Variants in TAF1 observed in about 807,000 individuals in gnomAD.
TAF1 encodes transcription initiation factor TFIID subunit 1.
TAF1 carries 2 observed loss-of-function variants against 138.5 expected under a neutral mutation model. The ratio of observed to expected loss-of-function variants is 0.01; its 90% CI spans 0.01 to 0.05. The LOEUF is 0.05. TAF1 is among the 10% of genes least tolerant of loss of function. The pLI, the probability that TAF1 is intolerant of heterozygous loss-of-function variation, is 1.00. For synonymous variants in TAF1, 437 were observed against 503.2 expected, an observed-to-expected ratio of 0.87 and a Z score of 1.76; for missense variants, 709 against 1,478.0, an observed-to-expected ratio of 0.48 and a Z score of 8.53.
At position 71,504,836 on chromosome X, in the gene TAF1, A is replaced by C. The variant is rs535133894; in HGVS notation, c.1367-23706A>C. Reference sequence around the variant, plus strand: ...TAAAAATGAAGGTGGGCAAAGTCTAAAATATCTATGAGGCTGGGCACGGTG... The same window carrying C: ...TAAAAATGAAGGTGGGCAAAGTCTACAATATCTATGAGGCTGGGCACGGTG... On this transcript the variant is annotated intron_variant and NMD_transcript_variant, in intron 13 of 14. Transcript: ENST00000373775. 5.5e-5 allele frequency among the ~76,000 whole-genome samples: 6 copies of C among 108,762 alleles called. No homozygotes were observed. In the South Asian group the frequency reaches 2.4e-3, roughly 44 times the overall value. 94.4% of individuals were successfully genotyped at this position (108,762 alleles called of 115,157 possible).
At chrX:71,385,107 A>G (rs984222926) in intron 14 of TAF1, 58 bp downstream of exon 14, 4 of 903,310 alleles carry the variant, frequency 4.4e-6, no homozygotes, top group Middle Eastern at 2.7e-4. Flanking sequence ...ATGAGGAACC[A>G]GTCAGCTCAG....
chrX:71,382,422 G>A, intron 9 of TAF1, 114 bp from the exon 10 acceptor site: 1 of 1,038,940 alleles, frequency 9.6e-7, no homozygotes, highest in Non-Finnish European at 1.3e-6. Context: ...GAAAGGTCTA[G>A]TTAAGACCTT....
intron 3 of TAF1, among the ~76,000 whole-genome samples, chrX:71,374,279 TG>T (rs1480932021): frequency 9.1e-6 from 1 of 110,129 alleles, no homozygotes; most frequent in East Asian, 2.9e-4. Flanking sequence ...GATGGGGTTT[TG>T]TCATGTTGGC....
intron 32 of TAF1, among the ~76,000 whole-genome samples, chrX:71,450,269 C>G (rs2037897574): frequency 9.2e-6 from 1 of 108,983 alleles, no homozygotes; most frequent in African/African-American, 3.3e-5. Flanking sequence ...GTGGCATGAT[C>G]TTGCCTCACT....
Position 71,478,054 on chromosome X carries a change from C to A in TAF1, c.1366+17251C>A, listed in dbSNP as rs377455124. Among the ~76,000 whole-genome samples, 8 of 110,933 alleles carry A rather than the reference C, an allele frequency of 7.2e-5. 1 individual carries two copies. In the South Asian group the frequency reaches 3.1e-3, roughly 43 times the overall value. ...ATCATTTTAAAAGGTGATGGGCTGG[C>A]AGAAGATGTTTCCAATTCATATAAC... On this transcript the variant is annotated intron_variant and NMD_transcript_variant, in intron 13 of 14. Coordinates refer to the TAF1 transcript ENST00000373775.
chrX:71,456,920 G>A (rs1412414583), intron 34 of TAF1, among the ~76,000 whole-genome samples: 4 of 109,950 alleles, frequency 3.6e-5, no homozygotes, highest in East Asian at 2.8e-4. Flanking sequence ...GGCCCACCTC[G>A]GCCTCCCAAA....
chrX:71,411,755 TTTTG>T (rs926116347), intron 28 of TAF1, among the ~76,000 whole-genome samples: 18 of 112,275 alleles, frequency 1.6e-4, no homozygotes, highest in South Asian at 1.5e-3. Context: ...TGGTCAGGTT[TTTTG>T]TTTGTTTGTT....
At chrX:71,384,515 ATTC>A (rs2034099568) in intron 13 of TAF1, among the ~76,000 whole-genome samples, 1 of 110,264 alleles carries the variant, frequency 9.1e-6, no homozygotes, top group African/African-American at 3.3e-5. Flanking sequence ...GGTTTGGGCA[ATTC>A]TTCTGCCTCA....
intron 29 of TAF1, 118 bp from the exon 30 acceptor site, chrX:71,422,999 C>T: frequency 1.0e-6 from 1 of 1,004,232 alleles, no homozygotes; most frequent in Non-Finnish European, 1.4e-6. Context: ...GCCTCAGCCT[C>T]CCAAAGTGCT....
intron 13 of TAF1, among the ~76,000 whole-genome samples, chrX:71,515,141 T>C (rs1427912643): frequency 9.0e-6 from 1 of 111,648 alleles, no homozygotes; most frequent in Admixed American, 9.6e-5. Flanking sequence ...CAGAGACCAG[T>C]TACAGGGCTG....
chrX:71,398,489 T>C, intron 23 of TAF1, 83 bp from the exon 24 acceptor site: 7 of 1,131,472 alleles, frequency 6.2e-6, no homozygotes, highest in Non-Finnish European at 8.3e-6. Context: ...AGTCCTGAGA[T>C]GTTAGCTATC....
chrX:71,406,938 C>T (rs1201762118), intron 26 of TAF1, among the ~76,000 whole-genome samples, 192 bp downstream of exon 26: 13 of 99,620 alleles, frequency 1.3e-4, no homozygotes, highest in Admixed American at 2.2e-4. Context: ...TTTTTTGAGA[C>T]GGAATCTCAC....
At chrX:71,426,895 T>A (rs987592370) in intron 32 of TAF1, among the ~76,000 whole-genome samples, 10 of 111,903 alleles carry the variant, frequency 8.9e-5, no homozygotes, top group African/African-American at 3.2e-4. Context: ...AACAATTTCT[T>A]ATAATTCCTT....
chrX:71,466,580 G>A (rs2038764704), downstream of TAF1: 1 of 112,370 alleles, frequency 8.9e-6, no homozygotes, highest in Non-Finnish European at 1.9e-5. Context: ...GTTTCGCCAT[G>A]TTGGCCAGGC....
chrX:71,366,616 A>G (rs921290473), intron 1 of TAF1, 122 bp downstream of exon 1: 25 of 750,014 alleles, frequency 3.3e-5, no homozygotes, highest in Non-Finnish European at 4.5e-5. Context: ...GCCGGGGAGG[A>G]GGATCCCGTC....
intron 28 of TAF1, among the ~76,000 whole-genome samples, chrX:71,417,483 A>AG (rs2036079939): frequency 9.1e-6 from 1 of 110,231 alleles, no homozygotes; most frequent in Non-Finnish European, 1.9e-5. Context: ...CAGCCTCCCG[A>AG]GTAGCTGGGA....
Position 71,463,878 on chromosome X carries a change from C to G in TAF1, c.5454C>G (p.Phe1818Leu). ...DPKSNTQDTS[F>L]SSIGGYEVSE... is the part of the protein sequence containing the mutation. ...AGTCGAACACCCAAGACACAAGCTT[C>G]AGCAGCATCGGTGGGTATGAGGTAT... The change falls in exon 38 of 38, where the codon TTC (phenylalanine) becomes TTG (leucine). Residue 1818 changes from phenylalanine to leucine, a missense_variant. By Grantham distance (22) the Phe-to-Leu change is conservative. Transcript: ENST00000423759. The G allele has an allele frequency of 8.3e-7, 1 of 1,211,093 alleles. No homozygotes were observed. Among genetic ancestry groups the G allele is most frequent in the Non-Finnish European group, 1.1e-6 (1 of 895,247 alleles).
chrX:71,494,926 G>C (rs747703902), intron 13 of TAF1, among the ~76,000 whole-genome samples: 2 of 112,183 alleles, frequency 1.8e-5, no homozygotes, highest in South Asian at 3.7e-4. Flanking sequence ...CCATTTTACA[G>C]AGTGCTGATT....
At chrX:71,404,660 A>G (rs1157127659) in intron 25 of TAF1, among the ~76,000 whole-genome samples, 1 of 111,548 alleles carries the variant, frequency 9.0e-6, no homozygotes, top group Non-Finnish European at 1.9e-5. Context: ...TTTAAATTAC[A>G]ACTTTATACT....
Sources: allele counts gnomAD v4.1 joint callset (sites outside exome capture counted in the v4.1 genomes callset), GRCh38; gene constraint gnomAD v4.1.1; transcripts MANE v1.5; gene names NCBI Gene and HGNC (gene_info 2026-07-23, HGNC 2026-07-21).